DOCK1: variants seen among roughly 807,000 people sequenced by gnomAD.
DOCK1 encodes the protein dedicator of cytokinesis 1, also known as dedicator of cytokinesis protein 1.
In DOCK1, 138 loss-of-function variants were observed where a neutral mutation model predicts 262.7. That is an observed-to-expected ratio of 0.53 (90% CI 0.46 to 0.61). The LOEUF (loss-of-function observed/expected upper bound fraction) is 0.61. Ranked by LOEUF, DOCK1 falls within the 20% of genes least tolerant of loss-of-function variation. DOCK1 has a pLI of 0.00. For missense variants in DOCK1, 1,908 were observed against 2,370.7 expected (o/e 0.80, Z 4.05); for synonymous variants, 866 against 867.4 (o/e 1.00, Z 0.03).
At chr10:127,117,201 C>T (rs139815096) in intron 25 of DOCK1, among the ~76,000 whole-genome samples, 2 of 152,260 alleles carry the variant, frequency 1.3e-5, no homozygotes, top group African/African-American at 2.4e-5. Flanking sequence ...CATTGATTAG[C>T]GAGTTTGCTT....
At chr10:127,340,866 T>C (rs10829775) in intron 30 of DOCK1, among the ~76,000 whole-genome samples, 33,429 of 152,124 alleles carry the variant, frequency 0.22, 3,921 homozygotes, top group East Asian at 0.38. Context: ...CTAACATTCG[T>C]ATTTGGCTGT....
chr10:127,019,426 G>A (rs1001694062), intron 13 of DOCK1, among the ~76,000 whole-genome samples: 18 of 152,014 alleles, frequency 1.2e-4, no homozygotes, highest in Non-Finnish European at 2.2e-4. Context: ...CTTTATATCC[G>A]TGTGATACTT....
chr10:127,360,562 A>G (rs2064368118), intron 32 of DOCK1, among the ~76,000 whole-genome samples: 1 of 152,230 alleles, frequency 6.6e-6, no homozygotes, highest in African/African-American at 2.4e-5. Context: ...GCCAGTCTCT[A>G]CCTTCTGGGG....
At chr10:126,941,698 T>G (rs973655600) in intron 1 of DOCK1, among the ~76,000 whole-genome samples, 1 of 151,960 alleles carries the variant, frequency 6.6e-6, no homozygotes, top group African/African-American at 2.4e-5. Flanking sequence ...GAGCTTGCAG[T>G]GAGCCGAGAT....
intron 1 of DOCK1, among the ~76,000 whole-genome samples, chr10:126,952,257 G>A (rs1288304473): frequency 6.6e-6 from 1 of 151,950 alleles, no homozygotes; most frequent in Non-Finnish European, 1.5e-5. Context: ...GATGGTGATG[G>A]TAATAGCATT....
rs542105035 is a variant in DOCK1 at position 127,101,582 on chromosome 10, A to G, written c.2446-4649A>G. 3.3e-5 allele frequency among the ~76,000 whole-genome samples: 5 copies of G among 152,318 alleles called. No homozygotes were observed. The East Asian group carries it at 9.7e-4, about 29-fold the overall frequency. ...GCACAACCCCTTCTCTGAGGGTGTC[A>G]TCATGACATTTTTGATGCTAGGAGC... On this transcript the variant is annotated intron_variant, in intron 23 of 51. Transcript: ENST00000623213.
intron 1 of DOCK1, among the ~76,000 whole-genome samples, chr10:126,915,366 T>C (rs1354406564): frequency 1.3e-5 from 2 of 151,476 alleles, no homozygotes; most frequent in Non-Finnish European, 2.9e-5. Flanking sequence ...CAGGATATTC[T>C]TCAGGGTATA....
At chr10:127,050,911 A>T (rs562015368) in intron 21 of DOCK1, among the ~76,000 whole-genome samples, 1 of 152,092 alleles carries the variant, frequency 6.6e-6, no homozygotes, top group African/African-American at 2.4e-5. Flanking sequence ...CTTTCTTGTT[A>T]TTTGAATTAC....
At position 127,373,494 on chromosome 10, in the gene DOCK1, C is replaced by T. The variant is rs79932481; in HGVS notation, c.3433-287C>T. Reference sequence around the variant, plus strand: ...TCATGCTGCGCTTTGATTTTTTTTTCCCCCTATGGTTTCCTTGTCTTTCTT... The same window carrying T: ...TCATGCTGCGCTTTGATTTTTTTTTTCCCCTATGGTTTCCTTGTCTTTCTT... On this transcript the variant is annotated intron_variant, in intron 33 of 51. Coordinates refer to ENST00000623213, the MANE Select transcript of DOCK1 (RefSeq NM_001290223.2). 1.4e-3 allele frequency among the ~76,000 whole-genome samples: 177 copies of T among 125,510 alleles called. 1 individual carries two copies. Among genetic ancestry groups the T allele is most frequent in the African/African-American group, 5.0e-3 (170 of 33,698 alleles). The allele number at this position is 125,510 out of a possible 152,430, so 82.3% of individuals were successfully genotyped here. A position where few individuals can be genotyped will look rare whatever the true frequency, so the allele number is the denominator to read the frequency against.
chr10:127,324,652 A>G (rs1241843100), intron 29 of DOCK1, among the ~76,000 whole-genome samples: 1 of 152,152 alleles, frequency 6.6e-6, no homozygotes, highest in Non-Finnish European at 1.5e-5. Flanking sequence ...GGTCATCACT[A>G]GACTTGGGTG....
At chr10:127,118,305 G>T (rs1441941892) in intron 25 of DOCK1, among the ~76,000 whole-genome samples, 2 of 151,968 alleles carry the variant, frequency 1.3e-5, no homozygotes, top group Non-Finnish European at 2.9e-5. Flanking sequence ...CTCACACAGT[G>T]TTTTCTGCAT....
At chr10:126,960,092 G>A (rs979862156) in intron 1 of DOCK1, among the ~76,000 whole-genome samples, 1 of 152,172 alleles carries the variant, frequency 6.6e-6, no homozygotes, top group Admixed American at 6.5e-5. Flanking sequence ...GCATTTATTT[G>A]CTTGAAGTAA....
At chr10:127,250,936 C>T (rs1052349169) in intron 28 of DOCK1, among the ~76,000 whole-genome samples, 1 of 151,556 alleles carries the variant, frequency 6.6e-6, no homozygotes, top group Non-Finnish European at 1.5e-5. Context: ...TTAACTATAC[C>T]GAGTATATGA....
At chr10:127,103,537 G>C (rs2048372412) in intron 23 of DOCK1, among the ~76,000 whole-genome samples, 2 of 152,166 alleles carry the variant, frequency 1.3e-5, no homozygotes, top group African/African-American at 4.8e-5. Flanking sequence ...GGCAGCAGCA[G>C]TTTCCCTGGA....
chr10:127,092,675 G>A (rs2047609812), intron 23 of DOCK1, among the ~76,000 whole-genome samples: 1 of 152,070 alleles, frequency 6.6e-6, no homozygotes, highest in African/African-American at 2.4e-5. Flanking sequence ...ATAGAGACAG[G>A]GTTTCACCAT....
At chr10:127,131,852 T>TATA (rs2050346269) in intron 27 of DOCK1, among the ~76,000 whole-genome samples, 1 of 152,224 alleles carries the variant, frequency 6.6e-6, no homozygotes, top group East Asian at 1.9e-4. Flanking sequence ...AGCCTTTATG[T>TATA]GTTACTCATT....
chr10:127,301,640 C>T (rs1460103199), intron 29 of DOCK1, among the ~76,000 whole-genome samples: 1 of 151,972 alleles, frequency 6.6e-6, no homozygotes, highest in Admixed American at 6.6e-5. Context: ...TTTAAAGATC[C>T]CTGGACATAA....
chr10:127,257,425 A>C lies in DOCK1; in HGVS notation c.3040A>C (p.Asn1014His). Residue 1014 changes from asparagine (N) to histidine (H), a missense_variant, in exon 29 of 52, where the codon AAT (asparagine) becomes CAT (histidine). Asn to His is a moderately conservative substitution (Grantham distance 68, BLOSUM62 1). Around this residue, in one of 9 missense-constraint regions of DOCK1, gnomAD observed 518 missense variants for 575.1 expected, o/e 0.90. Coordinates refer to ENST00000623213, the MANE Select transcript of DOCK1 (RefSeq NM_001290223.2). Reference protein sequence around the residue: ...FDWVIMNMVQNKVFLRAINQY... With the variant: ...FDWVIMNMVQHKVFLRAINQY... ...CTGGGTGATCATGAACATGGTGCAA[A>C]ATAAGTAAGTGTGGGGAAAACGGCT... 2.5e-6 allele frequency: 4 copies of C among 1,601,088 alleles called. No homozygotes were observed. Among genetic ancestry groups the C allele is most frequent in the Non-Finnish European group, 3.4e-6 (4 of 1,172,992 alleles).
chr10:127,031,086 A>C (rs962702892), intron 16 of DOCK1, among the ~76,000 whole-genome samples: 11 of 152,312 alleles, frequency 7.2e-5, no homozygotes, highest in Middle Eastern at 3.4e-3. Context: ...TCGTTAGTCC[A>C]TTGGTAATTC....
Sources: gnomAD v4.1 joint callset for allele counts (sites outside exome capture counted in the v4.1 genomes callset) on GRCh38, gnomAD v4.1.1 for gene constraint, gnomAD v4.1.1 regional missense constraint, MANE v1.5 for transcripts, NCBI Gene and HGNC (gene_info 2026-07-23, HGNC 2026-07-21) for gene names.